MED13: variants seen among roughly 807,000 people sequenced by gnomAD.
MED13 encodes the protein mediator of RNA polymerase II transcription subunit 13.
A neutral mutation model predicts 225.2 loss-of-function variants in MED13; 23 were observed. The ratio of observed to expected loss-of-function variants is 0.10; its 90% CI spans 0.07 to 0.14. The LOEUF (loss-of-function observed/expected upper bound fraction) is 0.14. MED13 is among the 10% of genes least tolerant of loss of function. The pLI is 1.00. For missense variants in MED13, 2,197 were observed against 2,594.5 expected, an observed-to-expected ratio of 0.85 and a Z score of 3.33; for synonymous variants, 942 against 889.2, an observed-to-expected ratio of 1.06 and a Z score of -1.06.
At position 62,036,090 on chromosome 17, in the gene MED13, CT is replaced by C. The variant is rs199531154; in HGVS notation, c.471-483del. On this transcript the variant is annotated intron_variant, in intron 3 of 29. Transcript: ENST00000397786. Reference sequence around the variant, plus strand: ...CAGATGTGGGCCACTGTACCCAGCTCTTTTTTTTTTTTTTAAAGAAAAAAAA... The same window carrying C: ...CAGATGTGGGCCACTGTACCCAGCTCTTTTTTTTTTTTTAAAGAAAAAAAA... Among the ~76,000 whole-genome samples, 463 of 136,806 alleles carry C rather than the reference CT, an allele frequency of 3.4e-3. 2 individuals carry two copies. The highest frequency in any genetic ancestry group is 5.5e-3 in the African/African-American group (202 of 37,014). The allele number at this position is 136,806 out of a possible 152,430, so 89.8% of individuals were successfully genotyped here.
intron 8 of MED13, 94 bp downstream of exon 8, chr17:62,029,447 T>C (rs777091361): frequency 4.5e-6 from 4 of 888,684 alleles, no homozygotes; most frequent in Non-Finnish European, 7.0e-6. Context: ...CTGACATATG[T>C]TCATGTAAGC....
At chr17:61,990,627 G>GTATATA (rs5821345) in intron 11 of MED13, among the ~76,000 whole-genome samples, 1,948 of 138,932 alleles carry the variant, frequency 0.014, 19 homozygotes, top group African/African-American at 0.027. Context: ...GGCGCACTGT[G>GTATATA]TATATATATA....
chr17:62,064,893 T>C (rs943262502), intron 1 of MED13, among the ~76,000 whole-genome samples: 1 of 152,192 alleles, frequency 6.6e-6, no homozygotes, highest in Non-Finnish European at 1.5e-5. Flanking sequence ...AGGACGAGAC[T>C]ACGGTGAGAA....
intron 9 of MED13, among the ~76,000 whole-genome samples, chr17:62,000,761 T>C (rs1804531214): frequency 2.0e-5 from 3 of 152,116 alleles, no homozygotes; most frequent in Admixed American, 2.0e-4. Context: ...TAGTTTTGTT[T>C]TTTGTTGTTT....
At chr17:62,008,036 A>AAAAAAAAAAAAAAAAG (rs2080469402) in intron 9 of MED13, among the ~76,000 whole-genome samples, 1 of 142,330 alleles carries the variant, frequency 7.0e-6, no homozygotes, top group African/African-American at 2.7e-5. Flanking sequence ...AAAAAAAAAA[A>AAAAAAAAAAAAAAAAG]GCTGTGCGCA....
At position 62,065,223 on chromosome 17, in the gene MED13, G is replaced by A. The variant is rs1240341978; in HGVS notation, c.-18C>T. 26 of 1,491,466 alleles carry A rather than the reference G, an allele frequency of 1.7e-5. No homozygotes were observed. Among genetic ancestry groups the A allele is most frequent in the Non-Finnish European group, 2.2e-5 (25 of 1,116,536 alleles). 92.4% of individuals were successfully genotyped at this position (1,491,466 alleles called of 1,614,324 possible). ...GCACTCATCGTCCCTCACAGCAGCC[G>A]CCGCCGGCGCCACAACCCACCATCC... is the stretch of plus-strand genomic sequence containing the variant. On this transcript the variant is annotated 5_prime_UTR_variant, in exon 1 of 30. Coordinates refer to ENST00000397786, the MANE Select transcript of MED13 (RefSeq NM_005121.3).
chr17:61,947,953 A>G (rs1486586205), intron 28 of MED13, among the ~76,000 whole-genome samples: 1 of 152,230 alleles, frequency 6.6e-6, no homozygotes, highest in African/African-American at 2.4e-5. Flanking sequence ...CTGCAACTGC[A>G]ATACATATAG....
intron 24 of MED13, 63 bp downstream of exon 24, chr17:61,956,276 T>G (rs1205027754): frequency 8.0e-6 from 12 of 1,506,620 alleles, no homozygotes; most frequent in Non-Finnish European, 1.1e-5. Flanking sequence ...CTAGACGTGG[T>G]CAGAACTGTG....
At chr17:62,004,969 T>G (rs2080432519) in intron 9 of MED13, 1 of 151,588 alleles carries the variant, frequency 6.6e-6, no homozygotes, top group South Asian at 2.1e-4. Flanking sequence ...GAGTGATCTC[T>G]GCTCACTGTT....
At chr17:61,973,367 T>C (rs2080125870) in intron 16 of MED13, among the ~76,000 whole-genome samples, 1 of 152,280 alleles carries the variant, frequency 6.6e-6, no homozygotes, top group African/African-American at 2.4e-5. Flanking sequence ...ACAGAAATTA[T>C]ACAGTAACTT....
At chr17:62,022,656 A>C (rs1379403890) in intron 8 of MED13, among the ~76,000 whole-genome samples, 1 of 152,148 alleles carries the variant, frequency 6.6e-6, no homozygotes, top group Admixed American at 6.5e-5. Flanking sequence ...AGTAACTAAT[A>C]TGGAAAGATC....
chr17:61,983,588 T>G (rs747242431), intron 15 of MED13, among the ~76,000 whole-genome samples: 4 of 152,158 alleles, frequency 2.6e-5, no homozygotes, highest in Admixed American at 6.6e-5. Context: ...TCAGAGATGT[T>G]AAAATGTGAA....
At chr17:62,040,069 A>C (rs990059544) in intron 3 of MED13, among the ~76,000 whole-genome samples, 2 of 152,168 alleles carry the variant, frequency 1.3e-5, no homozygotes, top group African/African-American at 4.8e-5. Flanking sequence ...ACCACACCCA[A>C]ATCTCCGAAA....
At chr17:61,979,346 G>C in intron 16 of MED13, among the ~76,000 whole-genome samples, 1 of 152,042 alleles carries the variant, frequency 6.6e-6, no homozygotes, top group Non-Finnish European at 1.5e-5. Context: ...ATCTCACTCT[G>C]TCAAATAGGC....
At position 62,063,564 on chromosome 17, in the gene MED13, G is replaced by A. The variant is rs148239044; in HGVS notation, c.67-263C>T. ...CAAGTAGAAACAGAAGAAACTGAAT[G>A]ATGTTAAATATAGACACACACTTCA... is the stretch of plus-strand genomic sequence containing the variant. On this transcript the variant is annotated intron_variant, in intron 1 of 29. Coordinates refer to ENST00000397786, the MANE Select transcript of MED13 (RefSeq NM_005121.3). Among the ~76,000 whole-genome samples, 497 of 152,272 alleles carry A rather than the reference G, an allele frequency of 3.3e-3. 3 individuals are homozygous for A. Among genetic ancestry groups the A allele is most frequent in the Middle Eastern group, 0.014 (4 of 294 alleles).
intron 8 of MED13, among the ~76,000 whole-genome samples, chr17:62,019,220 T>C (rs144289995): frequency 6.6e-6 from 1 of 152,362 alleles, no homozygotes; most frequent in Non-Finnish European, 1.5e-5. Context: ...TCAACTATCT[T>C]ACTACACTCA....
chr17:62,024,536 T>G (rs1185921070), intron 8 of MED13, among the ~76,000 whole-genome samples: 1 of 152,204 alleles, frequency 6.6e-6, no homozygotes, highest in Non-Finnish European at 1.5e-5. Context: ...CCTAATTTAT[T>G]TTTTTCTCAA....
intron 16 of MED13, among the ~76,000 whole-genome samples, chr17:61,975,438 T>C (rs948110405): frequency 6.6e-6 from 1 of 152,196 alleles, no homozygotes. Flanking sequence ...ATGAGATACT[T>C]TGATTATAAG....
chr17:62,050,230 C>T (rs773902227), intron 3 of MED13, among the ~76,000 whole-genome samples: 47 of 151,720 alleles, frequency 3.1e-4, no homozygotes, highest in Admixed American at 7.2e-4. Context: ...TGATGGCAGA[C>T]GCCTGTAATC....
Sources: gnomAD v4.1 joint callset for allele counts (sites outside exome capture counted in the v4.1 genomes callset) on GRCh38, gnomAD v4.1.1 for gene constraint, MANE v1.5 for transcripts, NCBI Gene and HGNC (gene_info 2026-07-23, HGNC 2026-07-21) for gene names.